Variants in FGF12 observed in about 807,000 individuals in gnomAD.
FGF12 encodes fibroblast growth factor 12B.
FGF12 carries 14 observed loss-of-function variants against 23.6 expected under a neutral mutation model. That is an observed-to-expected ratio of 0.59 (90% confidence interval 0.39 to 0.93). The LOEUF is 0.93. FGF12 is among the 40% of genes least tolerant of loss of function. FGF12 has a pLI of 0.00. For missense variants in FGF12, 175 were observed against 217.8 expected (o/e 0.80, Z 1.24); for synonymous variants, 62 against 77.3 (o/e 0.80, Z 1.04).
intron 2 of FGF12, among the ~76,000 whole-genome samples, chr3:192,419,852 A>G (rs1307529655): frequency 6.6e-6 from 1 of 152,184 alleles, no homozygotes; most frequent in African/African-American, 2.4e-5. Context: ...AAACACTTCT[A>G]TATGGCATCA....
At chr3:192,213,269 C>CTT (rs1410638767) in intron 4 of FGF12, among the ~76,000 whole-genome samples, 1 of 149,384 alleles carries the variant, frequency 6.7e-6, no homozygotes, top group African/African-American at 2.5e-5. Flanking sequence ...GTCTCCAATT[C>CTT]TTTTTTTTTT....
intron 2 of FGF12, among the ~76,000 whole-genome samples, chr3:192,682,668 A>G (rs1717575174): frequency 6.6e-6 from 1 of 152,172 alleles, no homozygotes; most frequent in Non-Finnish European, 1.5e-5. Context: ...AATTTCCCAA[A>G]TCATCAGAGT....
At chr3:192,507,171 C>T (rs918409096) in intron 2 of FGF12, among the ~76,000 whole-genome samples, 10 of 152,106 alleles carry the variant, frequency 6.6e-5, no homozygotes, top group Admixed American at 3.3e-4. Context: ...GGATTACAGG[C>T]GTGAGCCACT....
At chr3:192,317,235 G>A (rs1268474291) in intron 4 of FGF12, among the ~76,000 whole-genome samples, 1 of 151,922 alleles carries the variant, frequency 6.6e-6, no homozygotes, top group African/African-American at 2.4e-5. Context: ...TTGCAGCTTA[G>A]GCACCACCTT....
chr3:192,223,747 G>T (rs1238369693), intron 4 of FGF12, among the ~76,000 whole-genome samples: 6 of 152,078 alleles, frequency 3.9e-5, no homozygotes, highest in Non-Finnish European at 5.9e-5. Flanking sequence ...TGCCCTTGGG[G>T]AGCTATAAAT....
rs191003585 is a variant in FGF12, at chr3:192,664,305, C to T, written c.13+62876G>A. Among the ~76,000 whole-genome samples the T allele has an allele frequency of 1.3e-4, 20 of 152,198 alleles. No individual in the cohort carries two copies. In the East Asian group the frequency reaches 3.7e-3, roughly 28 times the overall value. On this transcript the variant is annotated intron_variant, in intron 2 of 5. Transcript: ENST00000445105. ...GAGAAGCATTGAGTGTGAGCACTTC[C>T]TGTTTTAAATGAGCCACAGACATGC...
intron 2 of FGF12, among the ~76,000 whole-genome samples, chr3:192,459,032 T>C (rs1451367350): frequency 6.6e-6 from 1 of 152,206 alleles, no homozygotes; most frequent in African/African-American, 2.4e-5. Context: ...ATGTAAGAAG[T>C]GCCTTTCACC....
chr3:192,395,524 A>G (rs138100417), intron 2 of FGF12, among the ~76,000 whole-genome samples: 2 of 152,374 alleles, frequency 1.3e-5, no homozygotes, highest in East Asian at 3.9e-4. Context: ...CTGATGCCAT[A>G]AGCACATTAG....
At chr3:192,184,509 A>C (rs1264874158) in intron 4 of FGF12, among the ~76,000 whole-genome samples, 1 of 152,178 alleles carries the variant, frequency 6.6e-6, no homozygotes, top group African/African-American at 2.4e-5. Context: ...TGAATTAGAG[A>C]TGGTGAATGG....
chr3:192,220,984 C>A (rs1373813015), intron 4 of FGF12, among the ~76,000 whole-genome samples: 1 of 152,140 alleles, frequency 6.6e-6, no homozygotes, highest in Non-Finnish European at 1.5e-5. Context: ...GCATCTTGCA[C>A]CAACCATCTG....
rs543121510 is a variant in FGF12 at position 192,191,594 on chromosome 3, G to C, written c.229-20938C>G. Among the ~76,000 whole-genome samples the C allele has an allele frequency of 3.3e-5, 5 of 152,290 alleles. 1 individual carries two copies. The highest frequency in any genetic ancestry group is 9.6e-5 in the African/African-American group (4 of 41,562). On this transcript the variant is annotated intron_variant, in intron 4 of 5. Coordinates refer to ENST00000445105, the MANE Select transcript of FGF12 (RefSeq NM_004113.6). ...CTCACGCCTATAATCCCAGCACTTT[G>C]GGAGGCTGAGGTGGGAGGATCATGA...
At chr3:192,303,150 T>C (rs1464855965) in intron 4 of FGF12, among the ~76,000 whole-genome samples, 1 of 152,218 alleles carries the variant, frequency 6.6e-6, no homozygotes, top group Non-Finnish European at 1.5e-5. Flanking sequence ...GCATTTCATA[T>C]GTTAATTGCA....
At chr3:192,532,913 T>C (rs906326837) in intron 2 of FGF12, among the ~76,000 whole-genome samples, 2 of 152,180 alleles carry the variant, frequency 1.3e-5, no homozygotes, top group Non-Finnish European at 2.9e-5. Flanking sequence ...GCATGACACT[T>C]AGCAAGCTGC....
chr3:192,506,686 T>A (rs1160157849), intron 2 of FGF12, among the ~76,000 whole-genome samples: 1 of 152,124 alleles, frequency 6.6e-6, no homozygotes, highest in Non-Finnish European at 1.5e-5. Context: ...TAGTTTATTC[T>A]TTAAGTGTAG....
At chr3:192,287,046 G>T (rs1333361837) in intron 4 of FGF12, among the ~76,000 whole-genome samples, 1 of 152,032 alleles carries the variant, frequency 6.6e-6, no homozygotes, top group Non-Finnish European at 1.5e-5. Flanking sequence ...GAATGACTCA[G>T]AATAAATTAA....
chr3:192,373,421 A>G (rs1719333593), intron 2 of FGF12, among the ~76,000 whole-genome samples: 1 of 152,112 alleles, frequency 6.6e-6, no homozygotes, highest in South Asian at 2.1e-4. Flanking sequence ...GTCAAGATAG[A>G]TACTTACAAG....
chr3:192,472,038 G>A (rs1329705207), intron 2 of FGF12, among the ~76,000 whole-genome samples: 1 of 152,172 alleles, frequency 6.6e-6, no homozygotes, highest in African/African-American at 2.4e-5. Context: ...TGTGTTTTGA[G>A]ATGGAGTCTC....
intron 2 of FGF12, among the ~76,000 whole-genome samples, chr3:192,569,489 G>A (rs1465500099): frequency 2.0e-5 from 3 of 152,184 alleles, no homozygotes; most frequent in African/African-American, 7.2e-5. Context: ...TTTATACACA[G>A]AAGTGACATA....
At chr3:192,205,358 C>A (rs988106459) in intron 4 of FGF12, among the ~76,000 whole-genome samples, 3 of 152,226 alleles carry the variant, frequency 2.0e-5, no homozygotes, top group Non-Finnish European at 4.4e-5. Flanking sequence ...TATCCTACCC[C>A]CATGTTAATA....
Sources: allele counts gnomAD v4.1 joint callset (sites outside exome capture counted in the v4.1 genomes callset), GRCh38; gene constraint gnomAD v4.1.1; transcripts MANE v1.5; gene names NCBI Gene and HGNC (gene_info 2026-07-23, HGNC 2026-07-21).